Variants in FREM2 observed in about 807,000 individuals in gnomAD.
The protein encoded by FREM2 is FRAS1-related extracellular matrix protein 2.
Under a neutral mutation model 219.9 loss-of-function variants are expected in FREM2, and 119 were observed. That is an observed-to-expected ratio of 0.54 (90% CI 0.47 to 0.63). The LOEUF is 0.63. Ranked by LOEUF, FREM2 falls within the 30% of genes least tolerant of loss-of-function variation. The probability of loss-of-function intolerance (pLI) is 0.00; values close to 1 mark genes in which losing one functional copy is unlikely to be tolerated. For synonymous variants in FREM2, 1,562 were observed against 1,522.8 expected, an observed-to-expected ratio of 1.03 and a Z score of -0.60; for missense variants, 4,030 against 3,993.6, an observed-to-expected ratio of 1.01 and a Z score of -0.25.
At chr13:38,708,594 T>C (rs1870633261) in intron 2 of FREM2, among the ~76,000 whole-genome samples, 2 of 152,048 alleles carry the variant, frequency 1.3e-5, no homozygotes, top group African/African-American at 4.8e-5. Context: ...ATGGAGGTTG[T>C]GGTGAGCTGA....
chr13:38,850,167 C>G lies in FREM2; in HGVS notation c.6509C>G (p.Ser2170Cys), dbSNP rs1267052795. ...SSVRCYTRQG[S>C]AQVMMDFEER... ...GTGAGATGCTACACCCGGCAGGGGT[C>G]TGCACAGGTGATGATGGACTTTGAA... Residue 2170 changes from serine (S) to cysteine (C), a missense_variant, in exon 9 of 24, where the codon TCT (serine) becomes TGT (cysteine). Physicochemically the swap from Ser to Cys is moderately radical, Grantham distance 112. Transcript: ENST00000280481. The G allele has an allele frequency of 6.2e-7, 1 of 1,613,960 alleles. No homozygotes were observed. Among genetic ancestry groups the G allele is most frequent in the African/African-American group, 1.3e-5 (1 of 74,934 alleles).
At chr13:38,717,433 T>TTTTG (rs1871053145) in intron 2 of FREM2, among the ~76,000 whole-genome samples, 1 of 148,654 alleles carries the variant, frequency 6.7e-6, no homozygotes, top group Non-Finnish European at 1.5e-5. Context: ...TTTTTTTTTT[T>TTTTG]TGAGACTGTG....
Position 38,687,700 on chromosome 13 carries a change from C to T in FREM2, c.356C>T (p.Pro119Leu). The T allele has an allele frequency of 1.9e-6, 3 of 1,571,398 alleles. No homozygotes were observed. The highest frequency in any genetic ancestry group is 2.6e-6 in the Non-Finnish European group (3 of 1,156,282). The change falls in exon 1 of 24, where the codon CCG (proline) becomes CTG (leucine). Residue 119 changes from proline (P) to leucine (L), a missense_variant. By Grantham distance (98) the Pro-to-Leu change is moderately conservative. Around this residue, in one of 2 missense-constraint regions of FREM2, gnomAD observed 3,102 missense variants for 2,950.7 expected, o/e 1.05. Coordinates refer to ENST00000280481, the MANE Select transcript of FREM2 (RefSeq NM_207361.6). The part of the protein sequence containing the change: ...VLDNDALAQR[P>L]GRLSPKRFPC... ...GACAACGACGCACTGGCCCAGCGAC[C>T]GGGCCGCCTGAGTCCCAAGCGCTTC...
intron 6 of FREM2, among the ~76,000 whole-genome samples, chr13:38,829,710 C>T (rs1416504814): frequency 4.0e-5 from 6 of 150,442 alleles, no homozygotes; most frequent in Admixed American, 4.0e-4. Context: ...GAGCCCATTC[C>T]TCTATGAATA....
intron 16 of FREM2, among the ~76,000 whole-genome samples, chr13:38,870,955 TA>T (rs1878136744): frequency 6.6e-6 from 1 of 152,224 alleles, no homozygotes; most frequent in Non-Finnish European, 1.5e-5. Flanking sequence ...CATGGTTTAT[TA>T]AAATTGTAAG....
chr13:38,844,201 G>A (rs78064313), intron 6 of FREM2, among the ~76,000 whole-genome samples: 3,102 of 152,156 alleles, frequency 0.02, 129 homozygotes, highest in African/African-American at 0.071. Flanking sequence ...AATAGGCAAC[G>A]TAATAATGTT....
Position 38,688,262 on chromosome 13 carries a change from G to T in FREM2, c.918G>T (p.Leu306=), listed in dbSNP as rs1566102379. The change falls in exon 1 of 24, where the codon CTG becomes CTT. Residue 306 remains leucine, a synonymous_variant. Transcript: ENST00000280481. ...TGAAACGCGAGCACTTCCAGGTTCT[G>T]GTGAGGATCCGAGGAGGGGCCGAGA... ...PALKREHFQV[L]VRIRGGAENT... is the part of the protein sequence containing the mutation. The T allele has an allele frequency of 6.2e-7, 1 of 1,614,042 alleles. No homozygotes were observed.
rs76424442 is a variant in FREM2 at position 38,743,198 on chromosome 13, C to T, written c.5264-21106C>T. Among the ~76,000 whole-genome samples, 946 of 152,198 alleles carry T rather than the reference C, an allele frequency of 6.2e-3. 19 individuals carry two copies. The highest frequency in any genetic ancestry group is 0.022 in the African/African-American group (917 of 41,514). On this transcript the variant is annotated intron_variant, in intron 2 of 23. Coordinates refer to ENST00000280481, the MANE Select transcript of FREM2 (RefSeq NM_207361.6). Reference sequence around the variant, plus strand: ...TACAACTCAGGGATGCTCAAGTCAACTTTATGCTTGGCATATTTGAGTAAG... The same window carrying T: ...TACAACTCAGGGATGCTCAAGTCAATTTTATGCTTGGCATATTTGAGTAAG...
At chr13:38,715,914 T>G (rs1429710460) in intron 2 of FREM2, among the ~76,000 whole-genome samples, 1 of 152,178 alleles carries the variant, frequency 6.6e-6, no homozygotes, top group African/African-American at 2.4e-5. Flanking sequence ...TGAAAATTTG[T>G]CATAAATCAT....
rs528571587 is a variant in FREM2, at chr13:38,719,486, G to T, written c.5263+21699G>T. ...TCCGCCCACCTTGGCCTCCCAAAGT[G>T]CTGGGATTTCAGGCGTGAGCCACTG... On this transcript the variant is annotated intron_variant, in intron 2 of 23. Transcript: ENST00000280481. Among the ~76,000 whole-genome samples, 24 of 152,220 alleles carry T rather than the reference G, an allele frequency of 1.6e-4. 1 individual carries two copies. In the South Asian group the frequency reaches 4.4e-3, roughly 28 times the overall value.
chr13:38,830,178 C>T (rs1391708530), intron 6 of FREM2, among the ~76,000 whole-genome samples: 1 of 152,070 alleles, frequency 6.6e-6, no homozygotes, highest in Non-Finnish European at 1.5e-5. Flanking sequence ...GGAAAGATAA[C>T]AAACGAAAGT....
chr13:38,802,701 G>A (rs988586759), intron 6 of FREM2, among the ~76,000 whole-genome samples: 6 of 152,184 alleles, frequency 3.9e-5, no homozygotes, highest in Non-Finnish European at 8.8e-5. Flanking sequence ...TCTCAGAATG[G>A]CACCAAGCTG....
At chr13:38,793,881 C>T (rs1407889323) in intron 6 of FREM2, among the ~76,000 whole-genome samples, 1 of 152,104 alleles carries the variant, frequency 6.6e-6, no homozygotes, top group Non-Finnish European at 1.5e-5. Context: ...CTAGTTAGAG[C>T]TGTTGGGTTA....
rs539879675 is a variant in FREM2, at chr13:38,756,588, C to G, written c.5264-7716C>G. 2.9e-5 allele frequency among the ~76,000 whole-genome samples: 4 copies of G among 136,344 alleles called. No individual in the cohort carries two copies. In the South Asian group the frequency reaches 9.4e-4, roughly 32 times the overall value. The allele number at this position is 136,344 out of a possible 152,430, so 89.4% of individuals were successfully genotyped here. On this transcript the variant is annotated intron_variant, in intron 2 of 23. Coordinates refer to ENST00000280481, the MANE Select transcript of FREM2 (RefSeq NM_207361.6). Reference sequence around the variant, plus strand: ...TGTCGCCCAGGATGGAGTGCAGTGGCGCGATCTTGGATCACTGCAACCTCT... The same window carrying G: ...TGTCGCCCAGGATGGAGTGCAGTGGGGCGATCTTGGATCACTGCAACCTCT...
At chr13:38,795,112 AT>A (rs1874717410) in intron 6 of FREM2, among the ~76,000 whole-genome samples, 1 of 152,126 alleles carries the variant, frequency 6.6e-6, no homozygotes, top group Non-Finnish European at 1.5e-5. Flanking sequence ...GGATTAAAAT[AT>A]AAGTATTACC....
At chr13:38,707,657 A>C (rs1462598267) in intron 2 of FREM2, among the ~76,000 whole-genome samples, 1 of 152,180 alleles carries the variant, frequency 6.6e-6, no homozygotes, top group African/African-American at 2.4e-5. Context: ...GAGAACACTG[A>C]AAACAGTGTT....
chr13:38,789,193 A>G (rs1031386217), intron 6 of FREM2, among the ~76,000 whole-genome samples: 4 of 151,926 alleles, frequency 2.6e-5, no homozygotes, highest in East Asian at 1.9e-4. Context: ...GACATAATTT[A>G]ATTTTGTAGG....
At chr13:38,783,245 A>C (rs1476833738) in intron 5 of FREM2, 50 bp downstream of exon 5, 2 of 1,603,602 alleles carry the variant, frequency 1.2e-6, no homozygotes, top group Non-Finnish European at 1.7e-6. Flanking sequence ...GATATAAATA[A>C]GCCTTTTTAA....
intron 4 of FREM2, among the ~76,000 whole-genome samples, chr13:38,777,543 C>G (rs1873920796): frequency 6.6e-6 from 1 of 152,102 alleles, no homozygotes; most frequent in Admixed American, 6.5e-5. Flanking sequence ...ATTCTTACCT[C>G]AAAGGTTGTT....
Sources: gnomAD v4.1 joint callset for allele counts (sites outside exome capture counted in the v4.1 genomes callset) on GRCh38, gnomAD v4.1.1 for gene constraint, gnomAD v4.1.1 regional missense constraint, MANE v1.5 for transcripts, NCBI Gene and HGNC (gene_info 2026-07-23, HGNC 2026-07-21) for gene names.